The following URB1 variants were observed in gnomAD, a reference collection of about 807,000 sequenced individuals.
The protein encoded by URB1 is URB1 ribosome biogenesis factor.
A neutral mutation model predicts 242.3 loss-of-function variants in URB1; 197 were observed. The ratio of observed to expected loss-of-function variants is 0.81; its 90% CI spans 0.72 to 0.91. URB1 has a LOEUF of 0.91. Among genes scored for constraint, URB1 ranks in the 40% least tolerant of loss-of-function variants. The pLI, the probability that URB1 is intolerant of heterozygous loss-of-function variation, is 0.00. For synonymous variants in URB1, 1,153 were observed against 1,201.8 expected (o/e 0.96, Z 0.84); for missense variants, 2,721 against 2,860.5 (o/e 0.95, Z 1.11).
rs1392091103 is a variant in URB1 at position 32,316,540 on chromosome 21, G to A, written c.6560C>T (p.Ala2187Val). The A allele has an allele frequency of 1.3e-6, 2 of 1,550,722 alleles. No individual in the cohort carries two copies. Among genetic ancestry groups the A allele is most frequent in the African/African-American group, 2.7e-5 (2 of 73,048 alleles). ...CATGGCCGGGTGGAAGGGGCTCCCTGCCCGGCCCTGGGCAGCCACCAGCTG... is the reference window on the plus strand; with the variant it reads ...CATGGCCGGGTGGAAGGGGCTCCCTACCCGGCCCTGGGCAGCCACCAGCTG... ...MLQLVAAQGR[A>V]GSPFHPAMEA... is the part of the protein sequence containing the mutation. The change falls in exon 38 of 39, where the codon GCA becomes GTA. Residue 2187 changes from alanine to valine, a missense_variant. Transcript: ENST00000382751.
At position 32,319,366 on chromosome 21, in the gene URB1, T is replaced by G. The variant is rs752629672; in HGVS notation, c.5643A>C (p.Thr1881=). 134 of 1,549,926 alleles carry G rather than the reference T, an allele frequency of 8.6e-5. No individual in the cohort carries two copies. Among genetic ancestry groups the G allele is most frequent in the Non-Finnish European group, 1.0e-4 (115 of 1,146,442 alleles). The part of the protein sequence containing the change: ...LLSNVISLLH[T]LWVTNLGDKA... ...TGTCCCCCAGGTTGGTCACCCACAG[T>G]GTGTGTAGCAAGGAGATCACATTAG... Residue 1881 remains threonine (T), a synonymous_variant, in exon 36 of 39, where the codon ACA becomes ACC. Coordinates refer to ENST00000382751, the MANE Select transcript of URB1 (RefSeq NM_014825.3).
Position 32,383,432 on chromosome 21 carries a change from C to T in URB1, c.557G>A (p.Arg186Lys), listed in dbSNP as rs1343542332. The T allele has an allele frequency of 6.4e-7, 1 of 1,551,374 alleles. No homozygotes were observed. The highest frequency in any genetic ancestry group is 1.4e-5 in the African/African-American group (1 of 73,028). ...CTGTGGTCCCCTCACCTTTGAATCC[C>T]TCTTGGTCACCAGGGTGTACAGGGT... The part of the protein sequence containing the change: ...KKTLYTLVTK[R>K]DSKGVYDVRQ... Residue 186 changes from arginine (R) to lysine (K), a missense_variant, in exon 4 of 39, where the codon AGG (arginine) becomes AAG (lysine). Coordinates refer to ENST00000382751, the MANE Select transcript of URB1 (RefSeq NM_014825.3).
At chr21:32,381,014 C>T (rs897745776) in intron 4 of URB1, among the ~76,000 whole-genome samples, 3 of 152,194 alleles carry the variant, frequency 2.0e-5, no homozygotes, top group African/African-American at 7.2e-5. Context: ...CCAGACAACT[C>T]CAAATTTCAC....
chr21:32,383,443 C>T lies in URB1; in HGVS notation c.546G>A (p.Leu182=). 1 of 1,551,468 alleles carries T rather than the reference C, an allele frequency of 6.4e-7. No individual in the cohort carries two copies. Among genetic ancestry groups the T allele is most frequent in the Admixed American group, 2.0e-5 (1 of 50,956 alleles). ...FDLNKKTLYT[L]VTKRDSKGVY... is the part of the protein sequence containing the mutation. ...TCACCTTTGAATCCCTCTTGGTCAC[C>T]AGGGTGTACAGGGTCTTTTTATTCA... The change falls in exon 4 of 39, where the codon CTG becomes CTA. Residue 182 remains leucine (L), a synonymous_variant. Coordinates refer to ENST00000382751, the MANE Select transcript of URB1 (RefSeq NM_014825.3).
intron 10 of URB1, 76 bp from the exon 11 acceptor site, chr21:32,363,405 T>C: frequency 1.3e-6 from 2 of 1,484,754 alleles, no homozygotes; most frequent in Non-Finnish European, 1.8e-6. Context: ...TTGGCTGGCA[T>C]TTGCCCCTCC....
chr21:32,360,567 C>T (rs80309011), intron 13 of URB1, among the ~76,000 whole-genome samples: 2,598 of 152,236 alleles, frequency 0.017, 76 homozygotes, highest in African/African-American at 0.059. Flanking sequence ...ACCAGACAAG[C>T]ATTGTTACTT....
Position 32,362,320 on chromosome 21 carries a change from G to C in URB1, c.1510-299C>G, listed in dbSNP as rs577291711. ...TCCCAGGTTCAAGTGATTCTCGTGC[G>C]TCAGCCACCTGAGTAGCTGGAACTA... On this transcript the variant is annotated intron_variant, in intron 11 of 38. Coordinates refer to ENST00000382751, the MANE Select transcript of URB1 (RefSeq NM_014825.3). Among the ~76,000 whole-genome samples the C allele has an allele frequency of 3.9e-5, 6 of 151,966 alleles. No homozygotes were observed. The South Asian group carries it at 1.2e-3, about 32-fold the overall frequency.
chr21:32,383,100 G>A (rs148687856), intron 4 of URB1, among the ~76,000 whole-genome samples: 262 of 152,226 alleles, frequency 1.7e-3, no homozygotes, highest in Non-Finnish European at 3.1e-3. Context: ...TGGGCACATG[G>A]AGGGTATTTC....
At chr21:32,356,310 T>A (rs1449664755) in intron 15 of URB1, among the ~76,000 whole-genome samples, 1 of 152,188 alleles carries the variant, frequency 6.6e-6, no homozygotes, top group Non-Finnish European at 1.5e-5. Flanking sequence ...GAGGATCACT[T>A]GAGCCCAGAA....
intron 27 of URB1, 90 bp downstream of exon 27, chr21:32,337,314 A>T: frequency 7.3e-7 from 1 of 1,370,754 alleles, no homozygotes; most frequent in African/African-American, 1.4e-5. Flanking sequence ...TCCTGCTCAC[A>T]TCCCTCCAGC....
At chr21:32,376,172 G>A (rs868480166) in intron 5 of URB1, among the ~76,000 whole-genome samples, 1 of 152,184 alleles carries the variant, frequency 6.6e-6, no homozygotes, top group South Asian at 2.1e-4. Flanking sequence ...GACTTGCTGA[G>A]ATGTGTTTAA....
chr21:32,315,901 A>G (rs1011197376), intron 38 of URB1, among the ~76,000 whole-genome samples: 1 of 152,172 alleles, frequency 6.6e-6, no homozygotes, highest in Non-Finnish European at 1.5e-5. Flanking sequence ...GTGAAAGGAC[A>G]GACCTCTGGG....
Position 32,344,725 on chromosome 21 carries a change from G to A in URB1, c.4102C>T (p.Leu1368=). The A allele has an allele frequency of 2.6e-6, 4 of 1,551,756 alleles. No homozygotes were observed. Among genetic ancestry groups the A allele is most frequent in the Non-Finnish European group, 3.5e-6 (4 of 1,147,046 alleles). Reference sequence around the variant, plus strand: ...CACAGCTCTTCTGCTGACCCTTCCAGAGCTGCTGAAATGGAGTCGGCCACG... The same window carrying A: ...CACAGCTCTTCTGCTGACCCTTCCAAAGCTGCTGAAATGGAGTCGGCCACG... ...WIVADSISAA[L]EGSAEELCAW... is the part of the protein sequence containing the mutation. The change falls in exon 24 of 39, where the codon CTG becomes TTG. Residue 1368 remains leucine, a synonymous_variant. Transcript: ENST00000382751.
At chr21:32,361,801 G>C in intron 12 of URB1, 91 bp downstream of exon 12, 3 of 1,463,872 alleles carry the variant, frequency 2.0e-6, no homozygotes, top group Non-Finnish European at 2.7e-6. Context: ...AACTGCTCCA[G>C]GACTCTCTGG....
At chr21:32,321,978 T>A (rs1601120680) in intron 33 of URB1, 34 bp from the exon 34 acceptor site, 1 of 1,546,040 alleles carries the variant, frequency 6.5e-7, no homozygotes, top group East Asian at 2.5e-5. Flanking sequence ...CTGTTGTTAA[T>A]AAGTGAAAGT....
chr21:32,318,319 C>T (rs1447117627), intron 36 of URB1, among the ~76,000 whole-genome samples: 1 of 152,140 alleles, frequency 6.6e-6, no homozygotes, highest in Non-Finnish European at 1.5e-5. Flanking sequence ...ACAGTGTCAC[C>T]ACCCACGGCC....
intron 20 of URB1, among the ~76,000 whole-genome samples, 178 bp from the exon 21 acceptor site, chr21:32,349,661 G>C (rs866362724): frequency 6.6e-6 from 1 of 152,228 alleles, no homozygotes; most frequent in Non-Finnish European, 1.5e-5. Context: ...AATAAGAGAT[G>C]TGTCTTCCTA....
chr21:32,337,385 C>G lies in URB1; in HGVS notation c.4621+19G>C, dbSNP rs559057006. On this transcript the variant is annotated intron_variant, in intron 27 of 38. Coordinates refer to ENST00000382751, the MANE Select transcript of URB1 (RefSeq NM_014825.3). ...CACTCCCTCCCCCTGCTCACACTAC[C>G]CAGCCCTCACACCCTCACCTAGGAC... The G allele has an allele frequency of 3.5e-5, 54 of 1,546,334 alleles. No homozygotes were observed. In the Admixed American group the frequency reaches 6.9e-4, roughly 20 times the overall value.
intron 14 of URB1, among the ~76,000 whole-genome samples, chr21:32,358,798 A>AG (rs1219254670): frequency 1.3e-5 from 2 of 152,120 alleles, no homozygotes; most frequent in African/African-American, 4.8e-5. Flanking sequence ...CTCACATCTC[A>AG]GTGGAATGGT....
Sources: allele counts gnomAD v4.1 joint callset (sites outside exome capture counted in the v4.1 genomes callset), GRCh38; gene constraint gnomAD v4.1.1; transcripts MANE v1.5; gene names NCBI Gene and HGNC (gene_info 2026-07-23, HGNC 2026-07-21).